CAND1: variants seen among roughly 807,000 people sequenced by gnomAD.
The protein encoded by CAND1 is cullin associated and neddylation dissociated 1, also known as cullin-associated NEDD8-dissociated protein 1.
In CAND1, 7 loss-of-function variants were observed where a neutral mutation model predicts 108.5. The observed-to-expected ratio is 0.06, with a 90% CI of 0.04 to 0.12. The LOEUF is 0.12. Ranked by LOEUF, CAND1 falls within the 10% of genes least tolerant of loss-of-function variation. The probability of loss-of-function intolerance (pLI) is 1.00; values close to 1 mark genes in which losing one functional copy is unlikely to be tolerated. For missense variants in CAND1, 941 were observed against 1,448.7 expected, an observed-to-expected ratio of 0.65 and a Z score of 5.69; for synonymous variants, 534 against 512.0, an observed-to-expected ratio of 1.04 and a Z score of -0.58.
At chr12:67,278,094 C>G (rs914591489) in intron 1 of CAND1, among the ~76,000 whole-genome samples, 5 of 152,158 alleles carry the variant, frequency 3.3e-5, no homozygotes, top group African/African-American at 1.2e-4. Context: ...CTGGCCCTTG[C>G]TTACCTGGCA....
chr12:67,311,869 C>T, intron 14 of CAND1, 69 bp downstream of exon 14: 1 of 890,928 alleles, frequency 1.1e-6, no homozygotes, highest in Non-Finnish European at 1.9e-6. Context: ...ATTCTTTTCT[C>T]TAGCTTTCCA....
At chr12:67,307,866 G>T (rs1057439311) in intron 11 of CAND1, among the ~76,000 whole-genome samples, 2 of 151,552 alleles carry the variant, frequency 1.3e-5, no homozygotes, top group Non-Finnish European at 2.9e-5. Flanking sequence ...AGCTATTAAG[G>T]CCTCAAATTT....
chr12:67,292,804 T>G (rs776863427), intron 3 of CAND1, 28 bp downstream of exon 3: 1 of 1,610,482 alleles, frequency 6.2e-7, no homozygotes, highest in South Asian at 1.1e-5. Context: ...TTTCTTCCTA[T>G]TTCTTTTTGT....
chr12:67,282,821 CAG>C (rs1326304798), intron 2 of CAND1, among the ~76,000 whole-genome samples: 1 of 152,102 alleles, frequency 6.6e-6, no homozygotes, highest in Non-Finnish European at 1.5e-5. Flanking sequence ...ACGATAGTTA[CAG>C]AGAGTCTTTT....
At chr12:67,277,536 A>G (rs999258504) in intron 1 of CAND1, among the ~76,000 whole-genome samples, 15 of 152,220 alleles carry the variant, frequency 9.9e-5, no homozygotes, top group African/African-American at 3.6e-4. Flanking sequence ...GCGCCAAGAA[A>G]AAGCACAAAC....
At chr12:67,289,919 A>G (rs1352108362) in intron 2 of CAND1, among the ~76,000 whole-genome samples, 5 of 152,258 alleles carry the variant, frequency 3.3e-5, no homozygotes, top group East Asian at 1.9e-4. Flanking sequence ...TTGAGCATCT[A>G]TTTGAGACAC....
At chr12:67,299,170 T>A (rs1032973522) in intron 7 of CAND1, 75 bp downstream of exon 7, 101 of 1,335,166 alleles carry the variant, frequency 7.6e-5, no homozygotes, top group Non-Finnish European at 9.3e-5. Context: ...TTAGTCCAAA[T>A]TGTACTGTTT....
intron 1 of CAND1, among the ~76,000 whole-genome samples, chr12:67,280,405 C>T (rs894059389): frequency 2.0e-5 from 3 of 152,164 alleles, no homozygotes; most frequent in Non-Finnish European, 2.9e-5. Context: ...TCCCATGTTG[C>T]GGACTATCTC....
In CAND1 at chr12:67,273,479, CT is replaced by C. The variant is rs535435592; in HGVS notation, c.68+3712del. On this transcript the variant is annotated intron_variant, in intron 1 of 14. Coordinates refer to ENST00000545606, the MANE Select transcript of CAND1 (RefSeq NM_018448.5). ...TAGGTTGAGGTAACTAAGTTCTTTT[CT>C]TTTTTTTTTTTTTTTTTAGAGATAG... 7.4e-3 allele frequency among the ~76,000 whole-genome samples: 967 copies of C among 130,580 alleles called. 11 individuals are homozygous for C. The highest frequency in any genetic ancestry group is 0.024 in the African/African-American group (834 of 34,964). 85.7% of individuals were successfully genotyped at this position (130,580 alleles called of 152,430 possible). A position where few individuals can be genotyped will look rare whatever the true frequency, so the allele number is the denominator to read the frequency against.
At chr12:67,312,042 A>C (rs1261182311) in intron 14 of CAND1, among the ~76,000 whole-genome samples, 1 of 152,206 alleles carries the variant, frequency 6.6e-6, no homozygotes, top group Non-Finnish European at 1.5e-5. Context: ...ACATATTTGA[A>C]GTACTGATAT....
intron 4 of CAND1, among the ~76,000 whole-genome samples, chr12:67,296,388 A>G (rs2044770032): frequency 6.6e-6 from 1 of 152,180 alleles, no homozygotes. Context: ...ATCCCCCCCT[A>G]AAAAAGCAAT....
intron 1 of CAND1, among the ~76,000 whole-genome samples, chr12:67,278,126 G>A (rs897298821): frequency 1.3e-4 from 19 of 151,994 alleles, no homozygotes; most frequent in African/African-American, 3.9e-4. Flanking sequence ...CTGCTTCACC[G>A]TAATTTTGCC....
chr12:67,292,541 A>G lies in CAND1; in HGVS notation c.213-81A>G, dbSNP rs2044732284. ...TTTATCTTGAAAGTTCTAGGCGGAA[A>G]GGTTAACATTTCTACTTATGTATTT... On this transcript the variant is annotated intron_variant, in intron 2 of 14. Transcript: ENST00000545606. 4 of 931,870 alleles carry G rather than the reference A, an allele frequency of 4.3e-6. No homozygotes were observed. In the Admixed American group the frequency reaches 8.9e-5, roughly 21 times the overall value. 57.7% of individuals were successfully genotyped at this position (931,870 alleles called of 1,614,324 possible).
chr12:67,293,125 C>T lies in CAND1; in HGVS notation c.367+349C>T, dbSNP rs2044736945. On this transcript the variant is annotated intron_variant, in intron 3 of 14. Coordinates refer to ENST00000545606, the MANE Select transcript of CAND1 (RefSeq NM_018448.5). Reference sequence around the variant, plus strand: ...AAAATATTGCATCCTGATTAGTTCACTGTTTCCAGTATTAATTTTACTTTG... The same window carrying T: ...AAAATATTGCATCCTGATTAGTTCATTGTTTCCAGTATTAATTTTACTTTG... 2.6e-5 allele frequency: 6 copies of T among 227,802 alleles called. No individual in the cohort carries two copies. In the South Asian group the frequency reaches 2.9e-4, roughly 11 times the overall value. 14.1% of individuals were successfully genotyped at this position (227,802 alleles called of 1,614,324 possible). A position where few individuals can be genotyped will look rare whatever the true frequency, so the allele number is the denominator to read the frequency against.
Position 67,305,868 on chromosome 12 carries a change from A to G in CAND1, c.2200A>G (p.Ile734Val). Residue 734 changes from isoleucine (I) to valine (V), a missense_variant, in exon 10 of 15, where the codon ATT becomes GTT. Ile to Val is a conservative substitution (Grantham distance 29, BLOSUM62 3). Transcript: ENST00000545606. The surrounding 1 kb of genome is among the most constrained non-coding windows in gnomAD (Gnocchi z 4.4). ...PSSLSKISGS[I>V]LNELIGLVRS... is the part of the protein sequence containing the mutation. Reference sequence around the variant, plus strand: ...CTCCCTTTCAAAGATAAGTGGATCCATTCTCAATGAACTTATTGGACTTGT... The same window carrying G: ...CTCCCTTTCAAAGATAAGTGGATCCGTTCTCAATGAACTTATTGGACTTGT... 1.2e-6 allele frequency: 2 copies of G among 1,614,184 alleles called. No individual in the cohort carries two copies. Among genetic ancestry groups the G allele is most frequent in the Non-Finnish European group, 1.7e-6 (2 of 1,180,018 alleles).
chr12:67,284,898 G>T (rs1347430019), intron 2 of CAND1, among the ~76,000 whole-genome samples: 1 of 136,136 alleles, frequency 7.3e-6, no homozygotes, highest in Non-Finnish European at 1.6e-5. Flanking sequence ...TCTTTTGAGG[G>T]TATTAACCAC....
chr12:67,307,369 A>G, intron 10 of CAND1, 28 bp from the exon 11 acceptor site: 2 of 1,534,824 alleles, frequency 1.3e-6, no homozygotes, highest in East Asian at 4.5e-5. Flanking sequence ...ACTACATACC[A>G]ATAGACTTGC....
intron 1 of CAND1, 89 bp downstream of exon 1, chr12:67,269,874 C>A: frequency 8.8e-7 from 1 of 1,142,014 alleles, no homozygotes; most frequent in Non-Finnish European, 1.3e-6. Flanking sequence ...ACCCCTTCGG[C>A]CGTAGCCGGT....
Position 67,305,907 on chromosome 12 carries a change from T to C in CAND1, c.2239T>C (p.Leu747=). Residue 747 remains leucine, a synonymous_variant, in exon 10 of 15, where the codon TTG becomes CTG. Coordinates refer to ENST00000545606, the MANE Select transcript of CAND1 (RefSeq NM_018448.5). This position sits in a 1 kb window ranked among gnomAD's most constrained non-coding sequence, Gnocchi z 4.4. The stretch of plus-strand genomic sequence containing the variant: ...TATTGGACTTGTGAGATCACCCTTA[T>C]TGCAGGGGGGAGCTCTTAGTGCCAT... The part of the protein sequence containing the change: ...ELIGLVRSPL[L]QGGALSAMLD... The C allele has an allele frequency of 6.2e-7, 1 of 1,614,102 alleles. No individual in the cohort carries two copies. The highest frequency in any genetic ancestry group is 1.3e-5 in the African/African-American group (1 of 75,056).
Sources: gnomAD v4.1 joint callset for allele counts (sites outside exome capture counted in the v4.1 genomes callset) on GRCh38, gnomAD v4.1.1 for gene constraint, Gnocchi (gnomAD v3.1) non-coding constraint, MANE v1.5 for transcripts, NCBI Gene and HGNC (gene_info 2026-07-23, HGNC 2026-07-21) for gene names.